LSM10: variants seen among roughly 807,000 people sequenced by gnomAD.
LSM10 encodes LSM10, U7 small nuclear RNA associated, also known as U7 snRNA-associated Sm-like protein LSm10.
In LSM10, 4 loss-of-function variants were observed where a neutral mutation model predicts 5.2. The observed-to-expected ratio is 0.77, with a 90% CI of 0.38 to 1.77. The LOEUF is 1.77. LSM10 is among the 40% of genes most tolerant of loss of function. The pLI is 0.04. For missense variants in LSM10, 150 were observed against 171.6 expected (o/e 0.87, Z 0.70); for synonymous variants, 63 against 67.4 (o/e 0.94, Z 0.32).
chr1:36,396,446 G>A (rs1468307110), intron 1 of LSM10, among the ~76,000 whole-genome samples: 2 of 152,184 alleles, frequency 1.3e-5, no homozygotes, highest in Non-Finnish European at 2.9e-5. Context: ...TAAGGTTTGA[G>A]AATCATTGGT....
chr1:36,393,711 G>A lies in LSM10; in HGVS notation c.*47C>T, dbSNP rs1647137698. 6.3e-7 allele frequency: 1 copy of A among 1,599,186 alleles called. No homozygotes were observed. The highest frequency in any genetic ancestry group is 1.3e-5 in the African/African-American group (1 of 74,744). On this transcript the variant is annotated 3_prime_UTR_variant, in exon 2 of 2. Coordinates refer to ENST00000315732, the MANE Select transcript of LSM10 (RefSeq NM_032881.3). ...GTGTGAGGGCAGGGAACTAGCTCCG[G>A]AGATCACTGGAGGACTCCGAGTTGG...
At chr1:36,394,250 G>C (rs1647142651) in intron 1 of LSM10, 97 bp from the exon 2 acceptor site, 3 of 1,152,014 alleles carry the variant, frequency 2.6e-6, no homozygotes, top group Non-Finnish European at 3.6e-6. Context: ...TCCCAGCACA[G>C]ACCACCTCTG....
At chr1:36,396,223 CAAAAAAAA>C (rs71053922) in intron 1 of LSM10, among the ~76,000 whole-genome samples, 6 of 73,946 alleles carry the variant, frequency 8.1e-5, no homozygotes, top group South Asian at 5.2e-4. Context: ...GACTCCATCT[CAAAAAAAA>C]AAAAAAAAAA....
intron 1 of LSM10, among the ~76,000 whole-genome samples, chr1:36,397,247 C>A (rs1485051232): frequency 6.6e-6 from 1 of 152,182 alleles, no homozygotes; most frequent in Non-Finnish European, 1.5e-5. Flanking sequence ...CTTACCTATC[C>A]CTTATTTTCA....
At position 36,394,064 on chromosome 1, in the gene LSM10, C is replaced by T. The variant is rs754362639; in HGVS notation, c.66G>A (p.Gln22=). 3 of 1,614,098 alleles carry T rather than the reference C, an allele frequency of 1.9e-6. No homozygotes were observed. The highest frequency in any genetic ancestry group is 4.5e-5 in the East Asian group (2 of 44,894). ...CAGTGGTTACCCGGCCCTGGAGGCC[C>T]TGCAGTAGGATGATCAGGCTGTTCT... ...ISENSLIILL[Q]GLQGRVTTVD... The change falls in exon 2 of 2, where the codon CAG becomes CAA. Residue 22 remains glutamine, a synonymous_variant. Transcript: ENST00000315732.
At chr1:36,397,312 C>G (rs1647163463) in intron 1 of LSM10, among the ~76,000 whole-genome samples, 1 of 152,172 alleles carries the variant, frequency 6.6e-6, no homozygotes, top group African/African-American at 2.4e-5. Flanking sequence ...CTCAGCATCC[C>G]GTCCAGGGCT....
rs1491563955 is a variant in LSM10 at position 36,394,786 on chromosome 1, C to CA, written c.-24-634dup. Among the ~76,000 whole-genome samples, 2,548 of 118,712 alleles carry CA rather than the reference C, an allele frequency of 0.021. 205 individuals carry two copies. The East Asian group carries it at 0.29, about 14-fold the overall frequency. 77.9% of individuals were successfully genotyped at this position (118,712 alleles called of 152,430 possible). On this transcript the variant is annotated intron_variant, in intron 1 of 1. Coordinates refer to ENST00000315732, the MANE Select transcript of LSM10 (RefSeq NM_032881.3). Reference sequence around the variant, plus strand: ...AGATCGCGGCAGAGTGACTCCGTCTCAAAAAAAAGAAAAACCTATAAGAAA... The same window carrying CA: ...AGATCGCGGCAGAGTGACTCCGTCTCAAAAAAAAAGAAAAACCTATAAGAAA...
intron 1 of LSM10, among the ~76,000 whole-genome samples, chr1:36,395,734 C>T (rs969661064): frequency 1.1e-4 from 17 of 150,248 alleles, no homozygotes; most frequent in African/African-American, 3.7e-4. Flanking sequence ...GCCAAGATCA[C>T]GCCACTGCAC....
In LSM10 at chr1:36,394,267, TTGTA is replaced by T. The variant is rs1647142731; in HGVS notation, c.-24-118_-24-115del. 18 of 986,722 alleles carry T rather than the reference TTGTA, an allele frequency of 1.8e-5. 1 individual carries two copies. In the South Asian group the frequency reaches 3.0e-4, roughly 17 times the overall value. The allele number at this position is 986,722 out of a possible 1,614,324, so 61.1% of individuals were successfully genotyped here. On this transcript the variant is annotated intron_variant, in intron 1 of 1. Coordinates refer to ENST00000315732, the MANE Select transcript of LSM10 (RefSeq NM_032881.3). ...CCAGCACAGACCACCTCTGCAATTTTTGTATCTGTGGACACAGATGCTTCCCGCA... is the reference window on the plus strand; with the variant it reads ...CCAGCACAGACCACCTCTGCAATTTTTCTGTGGACACAGATGCTTCCCGCA...
At chr1:36,396,185 C>T (rs1647157180) in intron 1 of LSM10, among the ~76,000 whole-genome samples, 1 of 138,552 alleles carries the variant, frequency 7.2e-6, no homozygotes, top group Non-Finnish European at 1.5e-5. Context: ...AGTGGAGTGC[C>T]ACTGCACTCC....
intron 1 of LSM10, among the ~76,000 whole-genome samples, chr1:36,397,341 C>A (rs368670460): frequency 2.0e-5 from 3 of 152,324 alleles, no homozygotes; most frequent in African/African-American, 4.8e-5. Context: ...TGGCACTGAG[C>A]GTGGCAAGCC....
In LSM10 at chr1:36,397,882, C is replaced by G. The variant is rs1042666467; in HGVS notation, c.-140G>C. 2 of 152,206 alleles carry G rather than the reference C, an allele frequency of 1.3e-5. No homozygotes were observed. The highest frequency in any genetic ancestry group is 2.4e-5 in the African/African-American group (1 of 41,446). The allele number at this position is 152,206 out of a possible 1,614,324, so 9.4% of individuals were successfully genotyped here. A position where few individuals can be genotyped will look rare whatever the true frequency, so the allele number is the denominator to read the frequency against. On this transcript the variant is annotated 5_prime_UTR_variant, in exon 1 of 2. Coordinates refer to ENST00000315732, the MANE Select transcript of LSM10 (RefSeq NM_032881.3). ...CGGAGAAACCATGCCGGCGACCGGG[C>G]CGCTCTGTCCTCCGGGCGCAGAGTG...
At chr1:36,397,699 C>T (rs1359950110) in intron 1 of LSM10, 68 bp downstream of exon 1, 1 of 152,152 alleles carries the variant, frequency 6.6e-6, no homozygotes. Context: ...TCCGGCACCT[C>T]CTTCCGGAGG....
chr1:36,396,815 T>C (rs1647160934), intron 1 of LSM10, among the ~76,000 whole-genome samples: 1 of 151,956 alleles, frequency 6.6e-6, no homozygotes, highest in Non-Finnish European at 1.5e-5. Flanking sequence ...CTACCAAAAA[T>C]ACAAAAATTA....
chr1:36,394,982 C>T (rs1316667686), intron 1 of LSM10, among the ~76,000 whole-genome samples: 2 of 152,084 alleles, frequency 1.3e-5, no homozygotes, highest in Non-Finnish European at 2.9e-5. Context: ...TGGCACATGC[C>T]TGTAATCTCA....
chr1:36,395,775 CAAA>C (rs57532655), intron 1 of LSM10, among the ~76,000 whole-genome samples: 3 of 128,830 alleles, frequency 2.3e-5, no homozygotes, highest in Admixed American at 8.1e-5. Context: ...GACTCTGTCT[CAAA>C]AAAAAAAAAA....
chr1:36,395,254 G>C (rs1188013771), intron 1 of LSM10, among the ~76,000 whole-genome samples: 9 of 152,022 alleles, frequency 5.9e-5, no homozygotes, highest in Non-Finnish European at 1.3e-4. Context: ...AGAATTTAGA[G>C]AAACAATAAT....
At chr1:36,395,789 A>C (rs1478464365) in intron 1 of LSM10, among the ~76,000 whole-genome samples, 1 of 151,350 alleles carries the variant, frequency 6.6e-6, no homozygotes, top group Admixed American at 6.6e-5. Flanking sequence ...AAAAAAAAAA[A>C]AGAAAATCCA....
Position 36,393,789 on chromosome 1 carries a change from C to T in LSM10, c.341G>A (p.Arg114Gln), listed in dbSNP as rs754856236. ...VRNFGGKGQG[R>Q]WEFPPKNCK is the part of the protein sequence containing the mutation. ...ACAGTTTTTTGGGGGAAATTCCCAC[C>T]GGCCTTGGCCCTTGCCACCAAAGTT... The change falls in exon 2 of 2, where the codon CGG becomes CAG. Residue 114 changes from arginine to glutamine, a missense_variant. Coordinates refer to ENST00000315732, the MANE Select transcript of LSM10 (RefSeq NM_032881.3). 3.5e-5 allele frequency: 56 copies of T among 1,614,056 alleles called. No homozygotes were observed. In the Admixed American group the frequency reaches 5.2e-4, roughly 15 times the overall value.
Sources: gnomAD v4.1 joint callset for allele counts (sites outside exome capture counted in the v4.1 genomes callset) on GRCh38, gnomAD v4.1.1 for gene constraint, MANE v1.5 for transcripts, NCBI Gene and HGNC (gene_info 2026-07-23, HGNC 2026-07-21) for gene names.